MAGED1: variants seen among roughly 807,000 people sequenced by gnomAD.
MAGED1 encodes the protein melanoma-associated antigen D1.
In MAGED1, 3 loss-of-function variants were observed where a neutral mutation model predicts 54.1. That is an observed-to-expected ratio of 0.06 (90% CI 0.03 to 0.14). The LOEUF (loss-of-function observed/expected upper bound fraction) is 0.14, where lower values mean the gene tolerates loss of function less well. Ranked by LOEUF, MAGED1 falls within the 10% of genes least tolerant of loss-of-function variation. MAGED1 has a pLI of 1.00. For missense variants in MAGED1, 485 were observed against 623.4 expected (o/e 0.78, Z 2.36); for synonymous variants, 217 against 227.3 (o/e 0.95, Z 0.41).
intron 1 of MAGED1, among the ~76,000 whole-genome samples, chrX:51,865,845 T>TA (rs1927443336): frequency 9.0e-6 from 1 of 111,623 alleles, no homozygotes; most frequent in African/African-American, 3.3e-5. Flanking sequence ...TCCCCCTTGC[T>TA]GTTCTCATGA....
At chrX:51,876,243 T>C (rs190599714) in intron 1 of MAGED1, among the ~76,000 whole-genome samples, 292 of 110,608 alleles carry the variant, frequency 2.6e-3, no homozygotes, top group African/African-American at 9.2e-3. Context: ...TCTTTTTTTT[T>C]TTTTCTTTTC....
intron 1 of MAGED1, among the ~76,000 whole-genome samples, chrX:51,844,157 G>T (rs782086925): frequency 8.4e-4 from 94 of 111,565 alleles, no homozygotes; most frequent in African/African-American, 3.0e-3. Flanking sequence ...TTCTCCCTCT[G>T]CCCCTTTCCA....
intron 1 of MAGED1, among the ~76,000 whole-genome samples, chrX:51,884,550 C>T (rs1245457392): frequency 1.8e-5 from 2 of 111,977 alleles, no homozygotes; most frequent in Middle Eastern, 4.2e-3. Context: ...ATTAAGAATT[C>T]TAACAATTGT....
intron 1 of MAGED1, among the ~76,000 whole-genome samples, chrX:51,812,558 GT>G (rs1925259345): frequency 1.8e-5 from 2 of 111,870 alleles, no homozygotes; most frequent in Admixed American, 9.5e-5. Flanking sequence ...TGTTTTCAAA[GT>G]TTATCCATAT....
intron 1 of MAGED1, among the ~76,000 whole-genome samples, chrX:51,854,268 G>T (rs1557360009): frequency 8.9e-6 from 1 of 111,786 alleles, no homozygotes; most frequent in Admixed American, 9.5e-5. Context: ...GTATCCAACT[G>T]TAACCATAAA....
At chrX:51,863,670 A>G (rs1927361106) in intron 1 of MAGED1, among the ~76,000 whole-genome samples, 2 of 112,125 alleles carry the variant, frequency 1.8e-5, no homozygotes. Flanking sequence ...AATAACTATC[A>G]TAACAAGTGT....
At chrX:51,881,474 G>A (rs782678254) in intron 1 of MAGED1, among the ~76,000 whole-genome samples, 69 of 107,907 alleles carry the variant, frequency 6.4e-4, no homozygotes, top group African/African-American at 2.1e-3. Flanking sequence ...GGAGTGCAAT[G>A]GTAAGATCTT....
rs34476955 is a variant in MAGED1 at position 51,873,534 on chromosome X, TGAGA to T, written c.-36-20712_-36-20709del. The stretch of plus-strand genomic sequence containing the variant: ...TAGACTGTGTGTGTGTGTGTGTGTG[TGAGA>T]GAGAGAGAGAGAGAGAGAGAGAAGT... On this transcript the variant is annotated intron_variant, in intron 1 of 12. Coordinates refer to the MAGED1 transcript ENST00000375772. Among the ~76,000 whole-genome samples the T allele has an allele frequency of 1.0e-3, 95 of 90,531 alleles. 1 individual carries two copies. Among genetic ancestry groups the T allele is most frequent in the Middle Eastern group, 0.011 (2 of 176 alleles). 78.6% of individuals were successfully genotyped at this position (90,531 alleles called of 115,157 possible). A position where few individuals can be genotyped will look rare whatever the true frequency, so the allele number is the denominator to read the frequency against.
intron 1 of MAGED1, among the ~76,000 whole-genome samples, chrX:51,808,690 C>T (rs1925113592): frequency 1.8e-5 from 2 of 109,606 alleles, no homozygotes; most frequent in Admixed American, 1.9e-4. Flanking sequence ...GCCTGGGCGA[C>T]AGAGTGAGAC....
chrX:51,805,450 CTCTA>C (rs1291689095), intron 1 of MAGED1, among the ~76,000 whole-genome samples: 3 of 110,197 alleles, frequency 2.7e-5, no homozygotes, highest in Admixed American at 9.8e-5. Context: ...GTCTGGTTCT[CTCTA>C]TCTGTTTCTT....
At chrX:51,881,226 A>G (rs1928038750) in intron 1 of MAGED1, among the ~76,000 whole-genome samples, 1 of 110,505 alleles carries the variant, frequency 9.0e-6, no homozygotes, top group Non-Finnish European at 1.9e-5. Context: ...GGCTCTACCC[A>G]TATGACCTTA....
intron 11 of MAGED1, 150 bp downstream of exon 11, chrX:51,900,446 A>G: frequency 2.3e-5 from 10 of 426,295 alleles, no homozygotes; most frequent in Middle Eastern, 5.4e-4. Context: ...GGTAAACTTA[A>G]CATGTATTAG....
At chrX:51,854,831 T>G (rs1388034348) in intron 1 of MAGED1, among the ~76,000 whole-genome samples, 4 of 110,965 alleles carry the variant, frequency 3.6e-5, no homozygotes, top group South Asian at 3.9e-4. Flanking sequence ...GTATGCCCAG[T>G]TACTCCTCTC....
intron 1 of MAGED1, among the ~76,000 whole-genome samples, chrX:51,852,876 C>T (rs1415609513): frequency 8.1e-5 from 9 of 111,491 alleles, no homozygotes; most frequent in Non-Finnish European, 1.7e-4. Flanking sequence ...GTTATGCTGG[C>T]AGAAATGGAG....
intron 1 of MAGED1, among the ~76,000 whole-genome samples, chrX:51,869,187 G>A (rs887357592): frequency 9.0e-6 from 1 of 111,322 alleles, no homozygotes; most frequent in Non-Finnish European, 1.9e-5. Flanking sequence ...TAGACACTGC[G>A]TAATGGTGTA....
At chrX:51,821,690 C>G (rs1481553687) in intron 1 of MAGED1, among the ~76,000 whole-genome samples, 2 of 111,781 alleles carry the variant, frequency 1.8e-5, no homozygotes, top group Non-Finnish European at 3.8e-5. Flanking sequence ...GTGCCTGGGC[C>G]TGATCTTTAA....
intron 1 of MAGED1, among the ~76,000 whole-genome samples, chrX:51,829,806 A>G (rs960000956): frequency 8.9e-6 from 1 of 111,965 alleles, no homozygotes; most frequent in Non-Finnish European, 1.9e-5. Flanking sequence ...TTGTTTGACA[A>G]TACCTGGTAT....
At chrX:51,810,179 T>A (rs1925170126) in intron 1 of MAGED1, among the ~76,000 whole-genome samples, 1 of 111,164 alleles carries the variant, frequency 9.0e-6, no homozygotes, top group African/African-American at 3.3e-5. Flanking sequence ...ATTATCTCGT[T>A]AGTCTTTGTT....
intron 1 of MAGED1, among the ~76,000 whole-genome samples, chrX:51,830,825 A>G (rs1023029136): frequency 8.9e-6 from 1 of 111,958 alleles, no homozygotes; most frequent in African/African-American, 3.3e-5. Context: ...GCTATTTGTA[A>G]TAAGGTTTCA....
Sources: gnomAD v4.1 joint callset for allele counts (sites outside exome capture counted in the v4.1 genomes callset) on GRCh38, gnomAD v4.1.1 for gene constraint, MANE v1.5 for transcripts, NCBI Gene and HGNC (gene_info 2026-07-23, HGNC 2026-07-21) for gene names.